TTN: variants seen among roughly 807,000 people sequenced by gnomAD.
TTN encodes the protein connectin.
A neutral mutation model predicts 3,223.0 loss-of-function variants in TTN; 1,525 were observed. The ratio of observed to expected loss-of-function variants is 0.47; its 90% CI spans 0.45 to 0.49. TTN has a LOEUF of 0.49. Among genes scored for constraint, TTN ranks in the 20% least tolerant of loss-of-function variants. TTN has a pLI of 0.00. For missense variants in TTN, 40,786 were observed against 43,424.0 expected, an observed-to-expected ratio of 0.94 and a Z score of 5.40; for synonymous variants, 14,094 against 15,161.0, an observed-to-expected ratio of 0.93 and a Z score of 5.17.
At position 178,611,846 on chromosome 2, in the gene TTN, C is replaced by T; in HGVS notation, c.50463G>A (p.Glu16821=). The part of the protein sequence containing the change: ...FRVTDVIEGT[E]VQFQVRAENE... ...TTTCAGCCCGAACCTGAAACTGGAC[C>T]TCTGTTCCTTCGATGACATCAGTTA... Residue 16821 remains glutamate (E), a synonymous_variant, in exon 268 of 363, where the codon GAG becomes GAA. Coordinates refer to ENST00000589042, the MANE Select transcript of TTN (RefSeq NM_001267550.2). 10 of 1,612,998 alleles carry T rather than the reference C, an allele frequency of 6.2e-6. No individual in the cohort carries two copies. The highest frequency in any genetic ancestry group is 7.6e-6 in the Non-Finnish European group (9 of 1,179,316).
chr2:178,725,691 C>G, intron 70 of TTN, 42 bp from the exon 71 acceptor site: 10 of 1,552,984 alleles, frequency 6.4e-6, no homozygotes, highest in Non-Finnish European at 8.7e-6. Context: ...AAAAGATTGT[C>G]CAGATCATGC....
intron 46 of TTN, 159 bp from the exon 47 acceptor site, chr2:178,753,339 G>A (rs1281805817): frequency 1.7e-6 from 1 of 575,782 alleles, no homozygotes. Flanking sequence ...AAACTATTGA[G>A]CTGATAAAAC....
Position 178,776,656 on chromosome 2 carries a change from C to T in TTN, c.5208G>A (p.Val1736=), listed in dbSNP as rs1316762551. The T allele has an allele frequency of 6.2e-7, 1 of 1,614,008 alleles. No homozygotes were observed. The highest frequency in any genetic ancestry group is 2.2e-5 in the East Asian group (1 of 44,858). ...GTGGCTTTCCATCATGGAGCCACTC[C>T]ACCACCATCGTTGGGTCACCAATGG... ...LTPIGDPTMV[V]EWLHDGKPLE... Residue 1736 remains valine (V), a synonymous_variant, in exon 28 of 363, where the codon GTG becomes GTA. Coordinates refer to ENST00000589042, the MANE Select transcript of TTN (RefSeq NM_001267550.2).
chr2:178,782,376 T>C lies in TTN; in HGVS notation c.3216A>G (p.Glu1072=), dbSNP rs760860407. The change falls in exon 20 of 363, where the codon GAA becomes GAG. Residue 1072 remains glutamate (E), a synonymous_variant. Transcript: ENST00000589042. ...CGGCAGGTTCTCCAGGCCCTGCTTG[T>C]TCCTCTGTGAGGCTAGTATCAGTCA... ...VVMTDTSLTE[E]QAGPGEPAAP... is the part of the protein sequence containing the mutation. 1.2e-6 allele frequency: 2 copies of C among 1,613,970 alleles called. No homozygotes were observed. The highest frequency in any genetic ancestry group is 1.3e-5 in the African/African-American group (1 of 74,918).
At chr2:178,750,617 A>G (rs756573695) in intron 47 of TTN, 2 of 1,612,758 alleles carry the variant, frequency 1.2e-6, no homozygotes, top group African/African-American at 1.3e-5. Context: ...AAAAAATCTC[A>G]TGTTTTCTTC....
At chr2:178,726,963 C>G (rs1278182152) in intron 69 of TTN, 127 bp downstream of exon 69, 1 of 1,004,232 alleles carries the variant, frequency 1.0e-6, no homozygotes, top group East Asian at 2.9e-5. Flanking sequence ...GGAAATAATA[C>G]TAGCTCAGAA....
chr2:178,615,185 A>T, intron 259 of TTN, 122 bp downstream of exon 259: 1 of 1,243,464 alleles, frequency 8.0e-7, no homozygotes, highest in Non-Finnish European at 1.1e-6. Context: ...TAAAAATCAG[A>T]CAGATACACC....
chr2:178,744,550 T>C, intron 47 of TTN: 5 of 895,452 alleles, frequency 5.6e-6, no homozygotes, highest in African/African-American at 1.8e-5. Flanking sequence ...AACATCACAA[T>C]AAAAATTGAA....
chr2:178,747,597 T>C, intron 47 of TTN: 2 of 1,613,284 alleles, frequency 1.2e-6, no homozygotes, highest in Non-Finnish European at 1.7e-6. Context: ...ATTGAAGTGA[T>C]TGATTCACTC....
rs72629785 is a variant in TTN, at chr2:178,533,252, G to A, written c.103363C>T (p.Arg34455Cys). ...AATTCCTGTTTCTTGTACCTCAGGC[G>A]TTCCACTTGTAGGTGAGCCTGGCAG... ...TSCQAHLQVE[R>C]LRYKKQEFKS... Residue 34455 changes from arginine (R) to cysteine (C), a missense_variant, in exon 358 of 363, where the codon CGC becomes TGC. Transcript: ENST00000589042. 4.3e-4 allele frequency: 697 copies of A among 1,613,918 alleles called. 10 individuals are homozygous for A. In the African/African-American group the frequency reaches 7.6e-3, roughly 18 times the overall value.
At chr2:178,743,060 T>C (rs2082781627) in intron 47 of TTN, 1 of 152,070 alleles carries the variant, frequency 6.6e-6, no homozygotes, top group Non-Finnish European at 1.5e-5. Context: ...CTACAATACA[T>C]AATTCGCGTT....
rs1457575286 is a variant in TTN, at chr2:178,537,824, G to T, written c.99383C>A (p.Pro33128His). 6.2e-7 allele frequency: 1 copy of T among 1,613,552 alleles called. No individual in the cohort carries two copies. Among genetic ancestry groups the T allele is most frequent in the African/African-American group, 1.3e-5 (1 of 74,884 alleles). ...AQLSCQIVGR[P>H]LPDIKWYRFG... ...TCTGTACCATTTAATGTCAGGAAGA[G>T]GCCTTCCAACAATCTGGCATGAGAG... The change falls in exon 355 of 363, where the codon CCT becomes CAT. Residue 33128 changes from proline (P) to histidine (H), a missense_variant. Coordinates refer to ENST00000589042, the MANE Select transcript of TTN (RefSeq NM_001267550.2).
rs1231740629 is a variant in TTN, at chr2:178,731,820, A to G, written c.17055T>C (p.Thr5685=). ...GGCTAACCAGATGATCCTGAATGAAAGTCTTATACTTTCTACCACTTCGCA... is the reference window on the plus strand; with the variant it reads ...GGCTAACCAGATGATCCTGAATGAAGGTCTTATACTTTCTACCACTTCGCA... ...TILRSGRKYK[T]FIQDHLVSLQ... is the part of the protein sequence containing the mutation. Residue 5685 remains threonine (T), a synonymous_variant, in exon 58 of 363, where the codon ACT becomes ACC. Transcript: ENST00000589042. 1 of 1,613,800 alleles carries G rather than the reference A, an allele frequency of 6.2e-7. No individual in the cohort carries two copies. The highest frequency in any genetic ancestry group is 2.2e-5 in the East Asian group (1 of 44,870).
rs1347459702 is a variant in TTN at position 178,615,423 on chromosome 2, T to C, written c.48522A>G (p.Leu16174=). ...CATCATTTTTAGGTGGATCCCATGTTAAGAAGATGCTATTGGCTGTTCGAT... is the reference window on the plus strand; with the variant it reads ...CATCATTTTTAGGTGGATCCCATGTCAAGAAGATGCTATTGGCTGTTCGAT... ...WRDRTANSIF[L]TWDPPKNDGG... is the part of the protein sequence containing the mutation. Residue 16174 remains leucine, a synonymous_variant, in exon 259 of 363, where the codon TTA becomes TTG. Coordinates refer to ENST00000589042, the MANE Select transcript of TTN (RefSeq NM_001267550.2). 1 of 1,612,626 alleles carries C rather than the reference T, an allele frequency of 6.2e-7. No individual in the cohort carries two copies.
At chr2:178,631,381 TCA>T (rs1315274496) in intron 236 of TTN, 81 bp from the exon 237 acceptor site, 18 of 1,408,856 alleles carry the variant, frequency 1.3e-5, no homozygotes, top group Non-Finnish European at 1.7e-5. Flanking sequence ...AAGACACAAC[TCA>T]CAGAGTTCTG....
At position 178,614,677 on chromosome 2, in the gene TTN, AG is replaced by A; in HGVS notation, c.48836del (p.Pro16279LeufsTer4). ...TVKAGTKIEL[P>X]ATVTGKPEPK... ...GTTCAGGTTTTCCGGTTACGGTGGC[AG>A]GAAGTTCAATCTTGGTCCCAGCTTT... On this transcript the variant is annotated frameshift_variant, in exon 261 of 363. Transcript: ENST00000589042. LOFTEE classifies it high-confidence loss of function. 1 of 1,612,336 alleles carries A rather than the reference AG, an allele frequency of 6.2e-7. No homozygotes were observed. Among genetic ancestry groups the A allele is most frequent in the Non-Finnish European group, 8.5e-7 (1 of 1,179,084 alleles).
rs2061339477 is a variant in TTN, at chr2:178,642,244, C to G, written c.40551G>C (p.Leu13517=). The G allele has an allele frequency of 6.3e-7, 1 of 1,586,296 alleles. No individual in the cohort carries two copies. The highest frequency in any genetic ancestry group is 1.3e-5 in the African/African-American group (1 of 74,412). The change falls in exon 219 of 363, where the codon CTG becomes CTC. Residue 13517 remains leucine, a synonymous_variant. Coordinates refer to ENST00000589042, the MANE Select transcript of TTN (RefSeq NM_001267550.2). ...RKPEPKEEVV[L]KSVLRKRPEE... ...GGTTGAAAAATACTATACCGCTTTT[C>G]AGAACAACTTCTTCCTTTGGTTCAG...
Position 178,573,908 on chromosome 2 carries a change from T to TC in TTN, c.72223_72224insG (p.Lys24075ArgfsTer12). 2 of 1,611,732 alleles carry TC rather than the reference T, an allele frequency of 1.2e-6. No individual in the cohort carries two copies. Among genetic ancestry groups the TC allele is most frequent in the Non-Finnish European group, 1.7e-6 (2 of 1,178,416 alleles). ...GAAATCTGCAATTTTTATTTCTAAC[T>TC]TTGCTGTGCCTTCCAGCTCTTTTCC... On this transcript the variant is annotated frameshift_variant, in exon 326 of 363. Transcript: ENST00000589042. LOFTEE classifies it high-confidence loss of function.
chr2:178,530,109 G>A lies in TTN; in HGVS notation c.106382C>T (p.Thr35461Ile), dbSNP rs773250184. The change falls in exon 359 of 363, where the codon ACA (threonine) becomes ATA (isoleucine). Residue 35461 changes from threonine (T) to isoleucine (I), a missense_variant. Thr to Ile is a moderately conservative substitution (Grantham distance 89). Transcript: ENST00000589042. ...AIWTKDGKAITQGGKYKLSED... is the reference protein window; with the variant it reads ...AIWTKDGKAIIQGGKYKLSED... ...AGAGAGTTTATATTTACCTCCTTGTGTAATGGCCTGTAGAATGCAAATGAT... is the reference window on the plus strand; with the variant it reads ...AGAGAGTTTATATTTACCTCCTTGTATAATGGCCTGTAGAATGCAAATGAT... The A allele has an allele frequency of 1.3e-6, 2 of 1,595,670 alleles. No homozygotes were observed. Among genetic ancestry groups the A allele is most frequent in the South Asian group, 1.2e-5 (1 of 86,378 alleles).
Sources: gnomAD v4.1 joint callset for allele counts on GRCh38, gnomAD v4.1.1 for gene constraint, MANE v1.5 for transcripts, NCBI Gene and HGNC (gene_info 2026-07-23, HGNC 2026-07-21) for gene names.